Variants in CCDC73 observed in about 807,000 individuals in gnomAD.
CCDC73 encodes coiled-coil domain containing 73.
In CCDC73, 95 loss-of-function variants were observed where a neutral mutation model predicts 116.5. The ratio of observed to expected loss-of-function variants is 0.82; its 90% CI spans 0.69 to 0.97. The LOEUF is 0.97. CCDC73 is among the 50% of genes least tolerant of loss of function. The pLI, the probability that CCDC73 is intolerant of heterozygous loss-of-function variation, is 0.00. For missense variants in CCDC73, 1,066 were observed against 1,206.8 expected (o/e 0.88, Z 1.73); for synonymous variants, 398 against 401.3 (o/e 0.99, Z 0.10).
At chr11:32,818,691 G>GC in the CCDC73 span, among the ~76,000 whole-genome samples, 1 of 152,054 alleles carries the variant, frequency 6.6e-6, no homozygotes. Flanking sequence ...TGAACAAAAC[G>GC]CCGTATATCC....
intron 9 of CCDC73, 80 bp downstream of exon 9, chr11:32,675,484 CA>C (rs1856077840): frequency 1.2e-5 from 10 of 849,806 alleles, no homozygotes; most frequent in African/African-American, 1.8e-5. Flanking sequence ...AAATTCTACC[CA>C]ACTGTCCTCT....
chr11:32,671,171 G>A (rs1409805400), intron 9 of CCDC73, among the ~76,000 whole-genome samples: 4 of 151,936 alleles, frequency 2.6e-5, no homozygotes, highest in Admixed American at 2.0e-4. Context: ...TAAATATTGC[G>A]CTCTTTTCTC....
At chr11:32,730,379 A>G (rs112081383) in intron 2 of CCDC73, among the ~76,000 whole-genome samples, 4,277 of 152,286 alleles carry the variant, frequency 0.028, 182 homozygotes, top group African/African-American at 0.095. Context: ...TCTCACTTAG[A>G]AAATTTCATT....
At position 32,701,837 on chromosome 11, in the gene CCDC73, C is replaced by A. The variant is rs554296428; in HGVS notation, c.280-1011G>T. 9.9e-5 allele frequency among the ~76,000 whole-genome samples: 15 copies of A among 152,232 alleles called. No individual in the cohort carries two copies. The East Asian group carries it at 2.9e-3, about 29-fold the overall frequency. On this transcript the variant is annotated intron_variant, in intron 4 of 17. Coordinates refer to ENST00000335185, the MANE Select transcript of CCDC73 (RefSeq NM_001008391.4). ...ATTTTTCTTTGGAACTTCCCTATTT[C>A]CTTTTTCACACTCCTCACATTCAAG...
chr11:32,729,432 T>C (rs921818314), intron 2 of CCDC73, among the ~76,000 whole-genome samples: 3 of 152,234 alleles, frequency 2.0e-5, no homozygotes, highest in Non-Finnish European at 2.9e-5. Flanking sequence ...CATGGGCTTT[T>C]AGGTTGATTC....
chr11:32,829,119 GA>G, the CCDC73 span, among the ~76,000 whole-genome samples: 3 of 151,670 alleles, frequency 2.0e-5, no homozygotes, highest in East Asian at 1.9e-4. Context: ...AAAAAGGAAA[GA>G]AAAAAAATTA....
At chr11:32,720,561 G>T (rs578114943) in intron 2 of CCDC73, among the ~76,000 whole-genome samples, 1 of 151,934 alleles carries the variant, frequency 6.6e-6, no homozygotes, top group South Asian at 2.1e-4. Flanking sequence ...AGATTGGAAA[G>T]GAAAAAATAA....
At chr11:32,624,896 G>C (rs1343673409) in intron 14 of CCDC73, among the ~76,000 whole-genome samples, 1 of 152,200 alleles carries the variant, frequency 6.6e-6, no homozygotes. Context: ...ATGGATGAAG[G>C]TGGAAACCAT....
At chr11:32,713,277 T>A (rs1849917791) in intron 3 of CCDC73, among the ~76,000 whole-genome samples, 1 of 152,094 alleles carries the variant, frequency 6.6e-6, no homozygotes, top group Non-Finnish European at 1.5e-5. Context: ...CAGAACTTAT[T>A]CTATTCAGCA....
the CCDC73 span, among the ~76,000 whole-genome samples, chr11:32,816,993 C>T: frequency 6.6e-6 from 1 of 152,108 alleles, no homozygotes; most frequent in East Asian, 1.9e-4. Context: ...CCATGTTGGC[C>T]AGGTTGGTCT....
intron 2 of CCDC73, among the ~76,000 whole-genome samples, chr11:32,753,931 A>G (rs1850310057): frequency 6.6e-6 from 1 of 152,162 alleles, no homozygotes; most frequent in Non-Finnish European, 1.5e-5. Context: ...ATTTTTGTGT[A>G]TAAGGTATGT....
chr11:32,614,863 G>C lies in CCDC73; in HGVS notation c.1455C>G (p.Ser485=). ...TATCTAAGGAGAGGGTTTTGCTTAA[G>C]GAGATTTCACTTTGATTTTCATCCT... ...VSQDENQSEI[S]LSKTLSLDKE... is the part of the protein sequence containing the mutation. The change falls in exon 16 of 18, where the codon TCC becomes TCG. Residue 485 remains serine (S), a synonymous_variant. Transcript: ENST00000335185. 6.2e-7 allele frequency: 1 copy of C among 1,612,410 alleles called. No individual in the cohort carries two copies. Among genetic ancestry groups the C allele is most frequent in the Non-Finnish European group, 8.5e-7 (1 of 1,179,332 alleles).
chr11:32,655,184 A>C (rs540783525), intron 9 of CCDC73, among the ~76,000 whole-genome samples: 11 of 152,376 alleles, frequency 7.2e-5, no homozygotes, highest in African/African-American at 2.4e-4. Context: ...GATTGACTGC[A>C]TGACTTTTAA....
chr11:32,668,342 C>T lies in CCDC73; in HGVS notation c.645+7223G>A, dbSNP rs147669461. ...GCTTTCCTATAGACCATAAGCTCCT[C>T]AAGAAAATGCACCATGTTTCATACT... On this transcript the variant is annotated intron_variant, in intron 9 of 17. Coordinates refer to ENST00000335185, the MANE Select transcript of CCDC73 (RefSeq NM_001008391.4). Among the ~76,000 whole-genome samples the T allele has an allele frequency of 5.3e-5, 8 of 152,160 alleles. No homozygotes were observed. In the East Asian group the frequency reaches 1.5e-3, roughly 29 times the overall value.
chr11:32,677,955 CAAAAAAA>C (rs34907847), intron 7 of CCDC73, among the ~76,000 whole-genome samples: 8 of 64,284 alleles, frequency 1.2e-4, no homozygotes, highest in Admixed American at 2.2e-4. Context: ...GATTCCATCT[CAAAAAAA>C]AAAAAAAAAA....
chr11:32,613,026 G>A (rs1376666645), intron 16 of CCDC73, among the ~76,000 whole-genome samples: 1 of 152,156 alleles, frequency 6.6e-6, no homozygotes, highest in African/African-American at 2.4e-5. Context: ...ATATATTAAT[G>A]TTATGCCTCA....
At chr11:32,643,729 G>C (rs1855753010) in intron 12 of CCDC73, among the ~76,000 whole-genome samples, 1 of 152,148 alleles carries the variant, frequency 6.6e-6, no homozygotes, top group South Asian at 2.1e-4. Flanking sequence ...GTGAGTCAGT[G>C]AGGGAGTGGT....
chr11:32,777,099 C>CCTT (rs1850544133), intron 1 of CCDC73, among the ~76,000 whole-genome samples: 2 of 106,828 alleles, frequency 1.9e-5, no homozygotes, highest in Non-Finnish European at 3.9e-5. Context: ...TTTTTTCTTT[C>CCTT]TTTTTTTTTT....
chr11:32,683,410 G>T, intron 7 of CCDC73, 126 bp downstream of exon 7: 1 of 686,706 alleles, frequency 1.5e-6, no homozygotes. Flanking sequence ...CATATTACTG[G>T]AGACAGTAAT....
Sources: allele counts gnomAD v4.1 joint callset (sites outside exome capture counted in the v4.1 genomes callset), GRCh38; gene constraint gnomAD v4.1.1; transcripts MANE v1.5; gene names NCBI Gene and HGNC (gene_info 2026-07-23, HGNC 2026-07-21).